Variants in GRID1 observed in about 807,000 individuals in gnomAD.
GRID1 encodes the protein glutamate ionotropic receptor delta type subunit 1, also known as glutamate receptor ionotropic, delta-1.
Under a neutral mutation model 98.0 loss-of-function variants are expected in GRID1, and 28 were observed. That is an observed-to-expected ratio of 0.29 (90% CI 0.21 to 0.39). The LOEUF (loss-of-function observed/expected upper bound fraction) is 0.39, where lower values mean the gene tolerates loss of function less well. Among genes scored for constraint, GRID1 ranks in the 10% least tolerant of loss-of-function variants. GRID1 has a pLI of 1.00. For synonymous variants in GRID1, 553 were observed against 538.5 expected, an observed-to-expected ratio of 1.03 and a Z score of -0.37; for missense variants, 1,111 against 1,340.5, an observed-to-expected ratio of 0.83 and a Z score of 2.67.
chr10:86,300,076 G>A (rs1275393801), intron 2 of GRID1, among the ~76,000 whole-genome samples: 1 of 152,052 alleles, frequency 6.6e-6, no homozygotes, highest in South Asian at 2.1e-4. Flanking sequence ...TCCAACACCT[G>A]GTGTCCTCAT....
chr10:85,983,830 C>G lies in GRID1; in HGVS notation c.727-67591G>C, dbSNP rs951919380. On this transcript the variant is annotated intron_variant, in intron 4 of 15. Transcript: ENST00000327946. The stretch of plus-strand genomic sequence containing the variant: ...AAGCCCTGGTCAAGGGAGGGAGGAC[C>G]AAGACTCACCATGGGGTCATGAGCT... 3.3e-5 allele frequency among the ~76,000 whole-genome samples: 5 copies of G among 152,246 alleles called. No individual in the cohort carries two copies. The East Asian group carries it at 9.7e-4, about 29-fold the overall frequency.
At chr10:85,640,272 G>A (rs1271477669) in intron 13 of GRID1, among the ~76,000 whole-genome samples, 2 of 152,238 alleles carry the variant, frequency 1.3e-5, no homozygotes, top group African/African-American at 4.8e-5. Context: ...ATTATCCAAT[G>A]TGAGTGGCTG....
At chr10:85,968,450 C>CAAAAAAAAA (rs56938729) in intron 4 of GRID1, among the ~76,000 whole-genome samples, 1 of 102,446 alleles carries the variant, frequency 9.8e-6, no homozygotes, top group Non-Finnish European at 2.0e-5. Flanking sequence ...GACTCTGTCT[C>CAAAAAAAAA]AAAAAAAAAA....
At chr10:86,246,641 C>A (rs1336945446) in intron 2 of GRID1, among the ~76,000 whole-genome samples, 2 of 152,202 alleles carry the variant, frequency 1.3e-5, no homozygotes, top group African/African-American at 2.4e-5. Flanking sequence ...TCCATCCACC[C>A]TCCACCGCCC....
intron 8 of GRID1, among the ~76,000 whole-genome samples, chr10:85,813,874 G>A (rs1311074411): frequency 6.6e-6 from 1 of 151,368 alleles, no homozygotes; most frequent in East Asian, 1.9e-4. Flanking sequence ...AGAGTTATAG[G>A]GACCTCCATG....
chr10:86,214,726 G>A (rs1295580961), intron 2 of GRID1, among the ~76,000 whole-genome samples: 1 of 152,152 alleles, frequency 6.6e-6, no homozygotes, highest in Non-Finnish European at 1.5e-5. Context: ...AAAATTTACT[G>A]GGCATGGTGG....
chr10:86,023,076 C>A (rs1282511241), intron 4 of GRID1, among the ~76,000 whole-genome samples: 1 of 152,098 alleles, frequency 6.6e-6, no homozygotes, highest in Non-Finnish European at 1.5e-5. Context: ...CTCCAAACCC[C>A]AGCCCAGGGT....
At chr10:86,215,895 C>A (rs113879769) in intron 2 of GRID1, among the ~76,000 whole-genome samples, 230 of 152,174 alleles carry the variant, frequency 1.5e-3, no homozygotes, top group African/African-American at 5.1e-3. Context: ...TTTGTGAGAT[C>A]CTCCACCGCT....
intron 4 of GRID1, among the ~76,000 whole-genome samples, chr10:85,992,656 G>A (rs893267313): frequency 6.6e-6 from 1 of 152,004 alleles, no homozygotes; most frequent in East Asian, 1.9e-4. Flanking sequence ...AAGCTAGAAA[G>A]AACTAGAAAG....
chr10:85,667,349 G>T (rs1040337746), intron 12 of GRID1, among the ~76,000 whole-genome samples: 1 of 141,424 alleles, frequency 7.1e-6, no homozygotes, highest in Non-Finnish European at 1.6e-5. Flanking sequence ...AGAGAGAGAC[G>T]AACAATGTCT....
chr10:85,646,757 C>T (rs1843198450), intron 13 of GRID1: 1 of 209,622 alleles, frequency 4.8e-6, no homozygotes, highest in Non-Finnish European at 9.9e-6. Context: ...CTGGCTGACC[C>T]TTACCCCCTT....
At chr10:86,101,911 T>C (rs892507760) in intron 4 of GRID1, among the ~76,000 whole-genome samples, 15 of 152,222 alleles carry the variant, frequency 9.9e-5, no homozygotes, top group African/African-American at 3.6e-4. Context: ...TTCCATTGTA[T>C]GGCTGTACCA....
intron 8 of GRID1, among the ~76,000 whole-genome samples, chr10:85,815,889 C>A (rs954608559): frequency 1.3e-5 from 2 of 151,788 alleles, no homozygotes; most frequent in Non-Finnish European, 1.5e-5. Flanking sequence ...CAAAACAACT[C>A]CTTTTTTGTA....
intron 3 of GRID1, among the ~76,000 whole-genome samples, chr10:86,161,908 T>C (rs1845328755): frequency 6.6e-6 from 1 of 152,100 alleles, no homozygotes; most frequent in Non-Finnish European, 1.5e-5. Context: ...TAAAACCAAA[T>C]CAATAGAGAA....
chr10:86,219,181 G>A (rs1341084803), intron 2 of GRID1, among the ~76,000 whole-genome samples: 1 of 152,244 alleles, frequency 6.6e-6, no homozygotes, highest in Non-Finnish European at 1.5e-5. Flanking sequence ...CAAGACAGAA[G>A]CACTGGCCTG....
At chr10:85,765,426 A>C (rs2132703194) in intron 8 of GRID1, among the ~76,000 whole-genome samples, 1 of 152,234 alleles carries the variant, frequency 6.6e-6, no homozygotes, top group East Asian at 1.9e-4. Flanking sequence ...CAAGTTGAGC[A>C]CCTCTAATCT....
intron 4 of GRID1, among the ~76,000 whole-genome samples, chr10:86,089,225 C>G (rs1844107676): frequency 6.6e-6 from 1 of 152,168 alleles, no homozygotes. Flanking sequence ...TGAAGGCCAT[C>G]TGGGGAGCAG....
chr10:85,902,303 C>A (rs1341047679), intron 5 of GRID1, among the ~76,000 whole-genome samples: 1 of 152,122 alleles, frequency 6.6e-6, no homozygotes, highest in East Asian at 1.9e-4. Flanking sequence ...TGATTCATAT[C>A]CTGGGTGGGA....
At chr10:85,765,244 A>C (rs775084278) in intron 8 of GRID1, among the ~76,000 whole-genome samples, 39 of 152,180 alleles carry the variant, frequency 2.6e-4, no homozygotes, top group Non-Finnish European at 4.7e-4. Context: ...TCCATGTGTA[A>C]GTGATCATGA....
Sources: allele counts gnomAD v4.1 joint callset (sites outside exome capture counted in the v4.1 genomes callset), GRCh38; gene constraint gnomAD v4.1.1; transcripts MANE v1.5; gene names NCBI Gene and HGNC (gene_info 2026-07-23, HGNC 2026-07-21).